ITGBL1: variants seen among roughly 807,000 people sequenced by gnomAD.
ITGBL1 encodes integrin subunit beta like 1, also known as integrin beta-like protein 1.
Under a neutral mutation model 68.5 loss-of-function variants are expected in ITGBL1, and 51 were observed. That is an observed-to-expected ratio of 0.74 (90% CI 0.59 to 0.94). The LOEUF (loss-of-function observed/expected upper bound fraction) is 0.94. ITGBL1 is among the 40% of genes least tolerant of loss of function. The pLI is 0.00. For missense variants in ITGBL1, 649 were observed against 647.4 expected (o/e 1.00, Z -0.03); for synonymous variants, 209 against 227.3 (o/e 0.92, Z 0.72).
intron 9 of ITGBL1, among the ~76,000 whole-genome samples, chr13:101,709,660 GATACCCATAC>G (rs1037358144): frequency 1.6e-4 from 25 of 152,322 alleles, no homozygotes; most frequent in African/African-American, 5.3e-4. Flanking sequence ...TACTGAAAAA[GATACCCATAC>G]ATATTAAAAC....
At chr13:101,628,929 A>G (rs1052019529) in intron 7 of ITGBL1, among the ~76,000 whole-genome samples, 2 of 152,174 alleles carry the variant, frequency 1.3e-5, no homozygotes, top group African/African-American at 4.8e-5. Flanking sequence ...TTCTCATAAT[A>G]GTAATCAACT....
chr13:101,507,633 C>A (rs916560106), intron 2 of ITGBL1, among the ~76,000 whole-genome samples: 1 of 152,052 alleles, frequency 6.6e-6, no homozygotes, highest in African/African-American at 2.4e-5. Context: ...TTTTATACAG[C>A]GTCATTTCTG....
At chr13:101,610,708 G>A (rs2031085605) in intron 7 of ITGBL1, among the ~76,000 whole-genome samples, 1 of 151,956 alleles carries the variant, frequency 6.6e-6, no homozygotes, top group Admixed American at 6.6e-5. Flanking sequence ...GAGAGCACAG[G>A]GCCCACAAAG....
At chr13:101,598,714 C>T (rs909885406) in intron 7 of ITGBL1, among the ~76,000 whole-genome samples, 34 of 152,072 alleles carry the variant, frequency 2.2e-4, no homozygotes, top group Non-Finnish European at 2.9e-5. Context: ...CAATAGTTTG[C>T]TGAGAATGAT....
chr13:101,595,581 G>A (rs760715958), intron 6 of ITGBL1, among the ~76,000 whole-genome samples: 1 of 152,092 alleles, frequency 6.6e-6, no homozygotes, highest in Non-Finnish European at 1.5e-5. Flanking sequence ...TATGCAAATG[G>A]CCAGTGGGTA....
intron 2 of ITGBL1, among the ~76,000 whole-genome samples, chr13:101,481,417 G>A (rs1330072883): frequency 6.6e-6 from 1 of 152,038 alleles, no homozygotes; most frequent in East Asian, 1.9e-4. Context: ...GGGAAAGAAT[G>A]ATGCTAGGCA....
chr13:101,577,516 C>G, intron 4 of ITGBL1, among the ~76,000 whole-genome samples: 1 of 152,090 alleles, frequency 6.6e-6, no homozygotes, highest in East Asian at 1.9e-4. Flanking sequence ...TCAAAGGTTT[C>G]TTAGTAAAAC....
At chr13:101,493,623 A>G (rs1310521491) in intron 2 of ITGBL1, among the ~76,000 whole-genome samples, 2 of 152,144 alleles carry the variant, frequency 1.3e-5, no homozygotes, top group Non-Finnish European at 2.9e-5. Flanking sequence ...CATCCTGCCA[A>G]TATATTTTCC....
intron 2 of ITGBL1, among the ~76,000 whole-genome samples, chr13:101,492,999 T>G (rs1189996567): frequency 6.6e-6 from 1 of 152,182 alleles, no homozygotes; most frequent in Non-Finnish European, 1.5e-5. Context: ...TGGGAGTAAA[T>G]CTCTGTTAAG....
At chr13:101,671,551 G>A (rs1389450262) in intron 7 of ITGBL1, among the ~76,000 whole-genome samples, 4 of 143,496 alleles carry the variant, frequency 2.8e-5, no homozygotes, top group Non-Finnish European at 1.5e-5. Flanking sequence ...CCATTCTCCT[G>A]CCTCAGCCTC....
intron 7 of ITGBL1, among the ~76,000 whole-genome samples, chr13:101,599,363 A>C (rs1198721610): frequency 6.6e-6 from 1 of 151,526 alleles, no homozygotes; most frequent in Non-Finnish European, 1.5e-5. Context: ...TAGGTTGCAA[A>C]AATTTTCTCC....
intron 8 of ITGBL1, among the ~76,000 whole-genome samples, chr13:101,693,186 GAT>G (rs2033922189): frequency 6.6e-6 from 1 of 152,188 alleles, no homozygotes; most frequent in Non-Finnish European, 1.5e-5. Context: ...GAGTGAGGCA[GAT>G]AGAAGGTAGT....
chr13:101,526,154 TC>T (rs773621177), intron 2 of ITGBL1, among the ~76,000 whole-genome samples: 70 of 55,706 alleles, frequency 1.3e-3, no homozygotes, highest in East Asian at 5.8e-3. Flanking sequence ...TTCTTCTTCT[TC>T]TTTTTTTTTT....
At chr13:101,539,959 G>C (rs760306003) in intron 2 of ITGBL1, among the ~76,000 whole-genome samples, 1 of 152,080 alleles carries the variant, frequency 6.6e-6, no homozygotes, top group Non-Finnish European at 1.5e-5. Context: ...TTAGCCCTTT[G>C]TCAGATGAGT....
intron 2 of ITGBL1, among the ~76,000 whole-genome samples, chr13:101,532,515 G>A (rs977028155): frequency 6.6e-6 from 1 of 152,114 alleles, no homozygotes; most frequent in Non-Finnish European, 1.5e-5. Flanking sequence ...GATTATAAAC[G>A]TTATTCCTAT....
chr13:101,605,631 G>T (rs1343035794), intron 7 of ITGBL1, among the ~76,000 whole-genome samples: 1 of 142,646 alleles, frequency 7.0e-6, no homozygotes, highest in East Asian at 2.4e-4. Context: ...CACGTATGTA[G>T]ACATGTATGT....
At chr13:101,568,664 T>C (rs1008407871) in intron 3 of ITGBL1, among the ~76,000 whole-genome samples, 46 of 152,192 alleles carry the variant, frequency 3.0e-4, no homozygotes, top group African/African-American at 1.0e-3. Flanking sequence ...TAGATGAGTG[T>C]GTGACCCATT....
intron 7 of ITGBL1, among the ~76,000 whole-genome samples, chr13:101,641,633 A>G (rs2032375134): frequency 6.7e-6 from 1 of 150,176 alleles, no homozygotes; most frequent in African/African-American, 2.5e-5. Context: ...ACATATGTAT[A>G]CATGTGCCAT....
chr13:101,502,612 G>T (rs2048961268), intron 2 of ITGBL1, among the ~76,000 whole-genome samples: 1 of 152,118 alleles, frequency 6.6e-6, no homozygotes, highest in African/African-American at 2.4e-5. Flanking sequence ...GGACAGGTAG[G>T]CTGGTTCATA....
Sources: allele counts gnomAD v4.1 joint callset (sites outside exome capture counted in the v4.1 genomes callset), GRCh38; gene constraint gnomAD v4.1.1; transcripts MANE v1.5; gene names NCBI Gene and HGNC (gene_info 2026-07-23, HGNC 2026-07-21).